Variants in AGAP1 observed in about 807,000 individuals in gnomAD.
AGAP1 encodes the protein arf-GAP with GTPase, ANK repeat and PH domain-containing protein 1.
AGAP1 carries 29 observed loss-of-function variants against 105.3 expected under a neutral mutation model. The ratio of observed to expected loss-of-function variants is 0.28; its 90% CI spans 0.21 to 0.38. The LOEUF (loss-of-function observed/expected upper bound fraction) is 0.38. Ranked by LOEUF, AGAP1 falls within the 10% of genes least tolerant of loss-of-function variation. The pLI is 1.00. For synonymous variants in AGAP1, 509 were observed against 485.9 expected (o/e 1.05, Z -0.63); for missense variants, 998 against 1,165.1 (o/e 0.86, Z 2.09).
At chr2:235,676,849 A>G (rs12465126) in intron 1 of AGAP1, among the ~76,000 whole-genome samples, 43,681 of 152,154 alleles carry the variant, frequency 0.29, 7,246 homozygotes, top group African/African-American at 0.43. Flanking sequence ...GGGTAGTCTC[A>G]TGATGAGATA....
chr2:235,745,537 G>A (rs1163952945), intron 5 of AGAP1, among the ~76,000 whole-genome samples: 2 of 152,220 alleles, frequency 1.3e-5, no homozygotes, highest in African/African-American at 4.8e-5. Context: ...AAGTCAGATG[G>A]AGGTTAGCTT....
rs1306494194 is a variant in AGAP1, at chr2:236,087,011, A to G, written c.2115-33181A>G. On this transcript the variant is annotated intron_variant, in intron 16 of 17. Transcript: ENST00000304032. The surrounding 1 kb of genome is among the most constrained non-coding windows in gnomAD (Gnocchi z 5.7). ...TTGGCAAACACTCGGGAAACCCAGGACAGAGGAGGTAGGTAAACTCAGGAA... is the reference window on the plus strand; with the variant it reads ...TTGGCAAACACTCGGGAAACCCAGGGCAGAGGAGGTAGGTAAACTCAGGAA... Among the ~76,000 whole-genome samples, 5 of 152,116 alleles carry G rather than the reference A, an allele frequency of 3.3e-5. No individual in the cohort carries two copies. Among genetic ancestry groups the G allele is most frequent in the Non-Finnish European group, 7.3e-5 (5 of 68,032 alleles).
At chr2:235,561,533 G>GA (rs1366402124) in intron 1 of AGAP1, among the ~76,000 whole-genome samples, 1 of 152,198 alleles carries the variant, frequency 6.6e-6, no homozygotes, top group Non-Finnish European at 1.5e-5. Flanking sequence ...GAGGGCTGAA[G>GA]AGTTGGGGAT....
Position 235,845,803 on chromosome 2 carries a change from G to A in AGAP1, c.1051-37542G>A, listed in dbSNP as rs899789563. The stretch of plus-strand genomic sequence containing the variant: ...TTTCTTCCTGAGCATCTGTCCCGTC[G>A]TGCCCTCCGAAGGAGTCATGCATGT... On this transcript the variant is annotated intron_variant, in intron 9 of 17. Coordinates refer to ENST00000304032, the MANE Select transcript of AGAP1 (RefSeq NM_001037131.3). The surrounding 1 kb of genome is among the most constrained non-coding windows in gnomAD (Gnocchi z 4.8). 2.0e-5 allele frequency among the ~76,000 whole-genome samples: 3 copies of A among 151,536 alleles called. No homozygotes were observed. Among genetic ancestry groups the A allele is most frequent in the South Asian group, 2.1e-4 (1 of 4,774 alleles).
rs7595184 is a variant in AGAP1, at chr2:235,596,138, G to A, written c.163+101289G>A. 0.14 allele frequency among the ~76,000 whole-genome samples: 21,584 copies of A among 152,200 alleles called. 1,751 individuals carry two copies. The highest frequency in any genetic ancestry group is 0.29 in the South Asian group (1,392 of 4,820). ...AAATCACCCATAAGCACAGCCTTCA[G>A]TCTAACTTCATGTCAAGTCTAAGTG... On this transcript the variant is annotated intron_variant, in intron 1 of 17. Coordinates refer to ENST00000304032, the MANE Select transcript of AGAP1 (RefSeq NM_001037131.3). This position sits in a 1 kb window ranked among gnomAD's most constrained non-coding sequence, Gnocchi z 5.9.
At chr2:235,763,646 G>A (rs531041052) in intron 6 of AGAP1, among the ~76,000 whole-genome samples, 1 of 152,192 alleles carries the variant, frequency 6.6e-6, no homozygotes, top group Non-Finnish European at 1.5e-5. Context: ...CAGGAGACCT[G>A]TCCTAATTCA....
chr2:236,085,215 CAAAAAAAA>C (rs144353985), intron 16 of AGAP1, among the ~76,000 whole-genome samples: 1 of 58,412 alleles, frequency 1.7e-5, no homozygotes, highest in Non-Finnish European at 3.4e-5. Context: ...GACTCCGTCT[CAAAAAAAA>C]AAAAAAAAAA....
chr2:235,929,014 C>T (rs192657160), intron 11 of AGAP1, among the ~76,000 whole-genome samples: 4 of 152,296 alleles, frequency 2.6e-5, no homozygotes, highest in African/African-American at 9.6e-5. Context: ...CGTTAGGGCA[C>T]GCCCATGCCC....
rs2058698104 is a variant in AGAP1, at chr2:236,078,339, C to G, written c.2114+29058C>G. Among the ~76,000 whole-genome samples, 1 of 152,142 alleles carries G rather than the reference C, an allele frequency of 6.6e-6. No homozygotes were observed. The highest frequency in any genetic ancestry group is 6.5e-5 in the Admixed American group (1 of 15,276). ...TGATGGGATGAGGCCCACCTGCTTT[C>G]TCAAGGATAATTGCCTTTGTTTGGA... On this transcript the variant is annotated intron_variant, in intron 16 of 17. Coordinates refer to ENST00000304032, the MANE Select transcript of AGAP1 (RefSeq NM_001037131.3). The surrounding 1 kb of genome is among the most constrained non-coding windows in gnomAD (Gnocchi z 5.3).
At chr2:235,749,618 CCTCTGCCTCAGGCG>C (rs1559432955) in intron 5 of AGAP1, among the ~76,000 whole-genome samples, 1 of 152,070 alleles carries the variant, frequency 6.6e-6, no homozygotes, top group African/African-American at 2.4e-5. Context: ...GTCCTGCTGC[CCTCTGCCTCAGGCG>C]TTCTGCCCCA....
At chr2:235,868,638 C>T (rs1256726456) in intron 9 of AGAP1, among the ~76,000 whole-genome samples, 2 of 152,180 alleles carry the variant, frequency 1.3e-5, no homozygotes, top group Admixed American at 6.5e-5. Context: ...CCCCCAGTCT[C>T]TAATGCAGTC....
chr2:236,010,084 T>G (rs1262298283), intron 13 of AGAP1, among the ~76,000 whole-genome samples: 1 of 150,942 alleles, frequency 6.6e-6, no homozygotes, highest in Non-Finnish European at 1.5e-5. Flanking sequence ...TAAGTCTCAG[T>G]GATAAGTTTT....
At chr2:235,954,751 A>G (rs1245381206) in intron 12 of AGAP1, among the ~76,000 whole-genome samples, 3 of 151,744 alleles carry the variant, frequency 2.0e-5, no homozygotes, top group Non-Finnish European at 2.9e-5. Flanking sequence ...CTCGTGGTCA[A>G]TATGCACACA....
chr2:235,644,962 C>A (rs1947325884), intron 1 of AGAP1, among the ~76,000 whole-genome samples: 1 of 151,424 alleles, frequency 6.6e-6, no homozygotes, highest in African/African-American at 2.4e-5. Flanking sequence ...ATGGCGCGAT[C>A]TGGGCTCACT....
chr2:236,078,037 TTGTGTGTGTGTGTGTG>T lies in AGAP1; in HGVS notation c.2114+28778_2114+28793del, dbSNP rs9287595. Among the ~76,000 whole-genome samples, 1,200 of 140,496 alleles carry T rather than the reference TTGTGTGTGTGTGTGTG, an allele frequency of 8.5e-3. 14 individuals carry two copies. The highest frequency in any genetic ancestry group is 0.03 in the African/African-American group (1,114 of 37,750). The allele number at this position is 140,496 out of a possible 152,430, so 92.2% of individuals were successfully genotyped here. On this transcript the variant is annotated intron_variant, in intron 16 of 17. Coordinates refer to ENST00000304032, the MANE Select transcript of AGAP1 (RefSeq NM_001037131.3). This position sits in a 1 kb window ranked among gnomAD's most constrained non-coding sequence, Gnocchi z 5.3. Reference sequence around the variant, plus strand: ...AGGGTTCTCCAGAGAAACAACCAATTTGTGTGTGTGTGTGTGTGTGTGTGTGTGTGTGTGTGTAATC... The same window carrying T: ...AGGGTTCTCCAGAGAAACAACCAATTTGTGTGTGTGTGTGTGTGTGTAATC...
At chr2:235,644,049 G>C (rs199767664) in intron 1 of AGAP1, among the ~76,000 whole-genome samples, 56 of 152,254 alleles carry the variant, frequency 3.7e-4, no homozygotes, top group Admixed American at 2.9e-3. Flanking sequence ...GGCCACAAAG[G>C]GGGGTCAGTC....
chr2:235,746,129 AAAAT>A (rs751569076), intron 5 of AGAP1, among the ~76,000 whole-genome samples: 1 of 151,584 alleles, frequency 6.6e-6, no homozygotes, highest in Non-Finnish European at 1.5e-5. Context: ...CTGTCTCAAA[AAAAT>A]AAAAAGCCGG....
chr2:235,966,929 C>G (rs1218768291), intron 12 of AGAP1, among the ~76,000 whole-genome samples: 1 of 152,148 alleles, frequency 6.6e-6, no homozygotes, highest in Non-Finnish European at 1.5e-5. Flanking sequence ...GTACATTTCT[C>G]AACATATGAT....
intron 16 of AGAP1, among the ~76,000 whole-genome samples, chr2:236,118,161 C>T (rs905259833): frequency 2.6e-5 from 4 of 152,096 alleles, no homozygotes; most frequent in Non-Finnish European, 5.9e-5. Context: ...AAGGCCTTTC[C>T]TCTGTACTTC....
Sources: gnomAD v4.1 joint callset for allele counts (sites outside exome capture counted in the v4.1 genomes callset) on GRCh38, gnomAD v4.1.1 for gene constraint, Gnocchi (gnomAD v3.1) non-coding constraint, MANE v1.5 for transcripts, NCBI Gene and HGNC (gene_info 2026-07-23, HGNC 2026-07-21) for gene names.